The following CRHR1 variants were observed in gnomAD, a reference collection of about 807,000 sequenced individuals.
The protein encoded by CRHR1 is corticotropin releasing hormone receptor 1.
A neutral mutation model predicts 56.0 loss-of-function variants in CRHR1; 28 were observed. The observed-to-expected ratio is 0.50, with a 90% CI of 0.37 to 0.69. CRHR1 has a LOEUF of 0.69. CRHR1 is among the 30% of genes least tolerant of loss of function. CRHR1 has a pLI of 0.00. For missense variants in CRHR1, 376 were observed against 548.0 expected (o/e 0.69, Z 3.13); for synonymous variants, 195 against 216.5 (o/e 0.90, Z 0.87).
intron 1 of CRHR1, 60 bp from the exon 2 acceptor site, chr17:45,806,950 G>A: frequency 1.3e-6 from 2 of 1,491,414 alleles, no homozygotes; most frequent in Non-Finnish European, 1.9e-6. Flanking sequence ...GGGTGATGGA[G>A]CAACATGCTC....
intron 1 of CRHR1, among the ~76,000 whole-genome samples, chr17:45,792,433 G>A (rs1307437059): frequency 6.6e-6 from 1 of 152,098 alleles, no homozygotes; most frequent in Non-Finnish European, 1.5e-5. Context: ...CTTCTAGAGG[G>A]GAAAGAACCT....
chr17:45,810,776 T>C (rs1485244442), intron 2 of CRHR1, among the ~76,000 whole-genome samples: 3 of 152,184 alleles, frequency 2.0e-5, no homozygotes, highest in Non-Finnish European at 2.9e-5. Context: ...TCACACACCC[T>C]ACAGAGGCAG....
chr17:45,799,092 ATCTCTGTCCTCTG>A (rs2061573523), intron 1 of CRHR1, among the ~76,000 whole-genome samples: 1 of 152,170 alleles, frequency 6.6e-6, no homozygotes, highest in Non-Finnish European at 1.5e-5. Flanking sequence ...GACCCCTGGC[ATCTCTGTCCTCTG>A]TGCCTAGTCT....
In CRHR1 at chr17:45,834,789, C is replaced by A; in HGVS notation, c.*25C>A. ...AGCTGGCAGGTCATGGAGCAGCCCC[C>A]AAAGAGCTGTGGCTGGGGGGATGAC... On this transcript the variant is annotated 3_prime_UTR_variant, in exon 13 of 13. Coordinates refer to ENST00000314537, the MANE Select transcript of CRHR1 (RefSeq NM_004382.5). 1 of 1,613,190 alleles carries A rather than the reference C, an allele frequency of 6.2e-7. No homozygotes were observed. The highest frequency in any genetic ancestry group is 8.5e-7 in the Non-Finnish European group (1 of 1,179,830).
chr17:45,813,528 CT>C (rs1202486759), intron 2 of CRHR1, among the ~76,000 whole-genome samples: 4 of 152,224 alleles, frequency 2.6e-5, no homozygotes, highest in Admixed American at 6.5e-5. Flanking sequence ...CCAGCGCCCC[CT>C]CTGTGCATCC....
Position 45,835,104 on chromosome 17 carries a change from A to C in CRHR1, c.*340A>C. ...CCAAGGCTGTCTTCTCCCAGAGCACAAGAAGGCCAGCCCACTGGGCCCTGG... is the reference window on the plus strand; with the variant it reads ...CCAAGGCTGTCTTCTCCCAGAGCACCAGAAGGCCAGCCCACTGGGCCCTGG... On this transcript the variant is annotated 3_prime_UTR_variant, in exon 13 of 13. Coordinates refer to ENST00000314537, the MANE Select transcript of CRHR1 (RefSeq NM_004382.5). The C allele has an allele frequency of 3.3e-6, 1 of 298,660 alleles. No individual in the cohort carries two copies. Among genetic ancestry groups the C allele is most frequent in the Non-Finnish European group, 6.2e-6 (1 of 160,096 alleles). 18.5% of individuals were successfully genotyped at this position (298,660 alleles called of 1,614,324 possible).
In CRHR1 at chr17:45,784,366, G is replaced by A. The variant is rs1175234679; in HGVS notation, c.-179G>A. 2 of 356,038 alleles carry A rather than the reference G, an allele frequency of 5.6e-6. No individual in the cohort carries two copies. The highest frequency in any genetic ancestry group is 9.6e-6 in the Non-Finnish European group (2 of 208,996). The allele number at this position is 356,038 out of a possible 1,614,324, so 22.1% of individuals were successfully genotyped here. On this transcript the variant is annotated 5_prime_UTR_variant, in exon 1 of 13. Transcript: ENST00000314537. This position sits in a 1 kb window ranked among gnomAD's most constrained non-coding sequence, Gnocchi z 4.2. ...CCCGGGAAGGGGCGAGCGAGAGCCG[G>A]GCCGGGCCGGGCCGGGCCGCGGGGC...
At position 45,833,808 on chromosome 17, in the gene CRHR1, G is replaced by C; in HGVS notation, c.1024G>C (p.Val342Leu). The change falls in exon 11 of 13, where the codon GTC (valine) becomes CTC (leucine). Residue 342 changes from valine (V) to leucine (L), a missense_variant. Physicochemically the swap from Val to Leu is conservative, Grantham distance 32. Transcript: ENST00000314537. ...VNPGEDEVSR[V>L]VFIYFNSFLE... is the part of the protein sequence containing the mutation. ...TCCCGGGGAGGATGAGGTCTCCCGGGTCGTCTTCATCTACTTCAACTCCTT... is the reference window on the plus strand; with the variant it reads ...TCCCGGGGAGGATGAGGTCTCCCGGCTCGTCTTCATCTACTTCAACTCCTT... 2 of 1,613,726 alleles carry C rather than the reference G, an allele frequency of 1.2e-6. No individual in the cohort carries two copies. Among genetic ancestry groups the C allele is most frequent in the Non-Finnish European group, 1.7e-6 (2 of 1,179,960 alleles).
At chr17:45,832,371 G>T (rs1462728463) in intron 8 of CRHR1, among the ~76,000 whole-genome samples, 1 of 152,260 alleles carries the variant, frequency 6.6e-6, no homozygotes, top group Admixed American at 6.5e-5. Context: ...AAACGAACTT[G>T]CAGACCAGAG....
intron 1 of CRHR1, among the ~76,000 whole-genome samples, chr17:45,792,543 A>G (rs1324650633): frequency 2.0e-5 from 3 of 152,128 alleles, no homozygotes; most frequent in African/African-American, 4.8e-5. Flanking sequence ...GAATATACAT[A>G]TATGACACTT....
intron 8 of CRHR1, 97 bp downstream of exon 8, chr17:45,831,037 C>T: frequency 1.7e-6 from 2 of 1,167,302 alleles, no homozygotes; most frequent in Non-Finnish European, 1.3e-6. Context: ...GGCTTTTTCC[C>T]CTCAGGACCA....
intron 4 of CRHR1, chr17:45,828,030 G>A (rs905686301): frequency 9.2e-5 from 14 of 152,244 alleles, no homozygotes; most frequent in African/African-American, 3.4e-4. Context: ...CGGGGAGGAA[G>A]GGAGGTGCTG....
At chr17:45,789,126 A>G (rs2061384757) in intron 1 of CRHR1, among the ~76,000 whole-genome samples, 1 of 152,204 alleles carries the variant, frequency 6.6e-6, no homozygotes, top group Non-Finnish European at 1.5e-5. Flanking sequence ...GGAGGAGGGC[A>G]GGTCACTAAC....
chr17:45,817,385 G>A (rs1476621929), intron 3 of CRHR1, among the ~76,000 whole-genome samples: 1 of 152,180 alleles, frequency 6.6e-6, no homozygotes, highest in African/African-American at 2.4e-5. Flanking sequence ...TGCACCCTTG[G>A]GTCCTTGTGG....
intron 4 of CRHR1, among the ~76,000 whole-genome samples, chr17:45,822,388 T>C (rs1309766590): frequency 6.6e-6 from 1 of 152,202 alleles, no homozygotes; most frequent in Non-Finnish European, 1.5e-5. Flanking sequence ...CCACCCTGTC[T>C]CCTTTCCCAC....
At chr17:45,806,160 G>A (rs962330508) in intron 1 of CRHR1, among the ~76,000 whole-genome samples, 1 of 152,214 alleles carries the variant, frequency 6.6e-6, no homozygotes, top group Admixed American at 6.5e-5. Context: ...CCTGTCGGGA[G>A]GGGGGTAATG....
chr17:45,788,306 T>C lies in CRHR1; in HGVS notation c.33+3729T>C, dbSNP rs1426189008. ...GATGACAGGTAGGTCACCTTCCCTC[T>C]CTGAGCCACAGTTTATCTGTCTGTA... On this transcript the variant is annotated intron_variant, in intron 1 of 12. Transcript: ENST00000314537. 2.6e-5 allele frequency among the ~76,000 whole-genome samples: 4 copies of C among 152,312 alleles called. 1 individual carries two copies. The Middle Eastern group carries it at 0.01, about 389-fold the overall frequency.
At chr17:45,785,645 G>C (rs2061323050) in intron 1 of CRHR1, among the ~76,000 whole-genome samples, 1 of 152,208 alleles carries the variant, frequency 6.6e-6, no homozygotes, top group African/African-American at 2.4e-5. Context: ...GGTGGATTTG[G>C]GGGAGGGGTG....
At chr17:45,807,769 T>C (rs1435310111) in intron 2 of CRHR1, among the ~76,000 whole-genome samples, 1 of 152,184 alleles carries the variant, frequency 6.6e-6, no homozygotes, top group African/African-American at 2.4e-5. Flanking sequence ...CACTTTACCA[T>C]TTACAGAGTG....
Sources: allele counts gnomAD v4.1 joint callset (sites outside exome capture counted in the v4.1 genomes callset), GRCh38; gene constraint gnomAD v4.1.1; non-coding constraint Gnocchi (gnomAD v3.1); transcripts MANE v1.5; gene names NCBI Gene and HGNC (gene_info 2026-07-23, HGNC 2026-07-21).